Variants in STK31 observed in about 807,000 individuals in gnomAD.
The protein encoded by STK31 is serine/threonine-protein kinase 31.
Under a neutral mutation model 129.7 loss-of-function variants are expected in STK31, and 89 were observed. The observed-to-expected ratio is 0.69, with a 90% CI of 0.58 to 0.82. The LOEUF is 0.82. STK31 is among the 40% of genes least tolerant of loss of function. STK31 has a pLI of 0.00. For synonymous variants in STK31, 448 were observed against 395.3 expected, an observed-to-expected ratio of 1.13 and a Z score of -1.58; for missense variants, 1,187 against 1,176.4, an observed-to-expected ratio of 1.01 and a Z score of -0.13.
At chr7:23,791,398 C>T in intron 22 of STK31, 1 of 673,578 alleles carries the variant, frequency 1.5e-6, no homozygotes, top group Non-Finnish European at 1.8e-6. Flanking sequence ...TGCATGTTCT[C>T]ACTTATAAGT....
intron 10 of STK31, among the ~76,000 whole-genome samples, chr7:23,761,708 G>GT (rs879311911): frequency 1.2e-3 from 166 of 142,048 alleles, no homozygotes; most frequent in East Asian, 2.6e-3. Context: ...GTGCCCAGAT[G>GT]TTTTTTTTTT....
chr7:23,797,630 A>T (rs1438665006), intron 22 of STK31, among the ~76,000 whole-genome samples: 1 of 152,232 alleles, frequency 6.6e-6, no homozygotes, highest in Non-Finnish European at 1.5e-5. Context: ...AGGGAAATTT[A>T]TAGCACTAAA....
In STK31 at chr7:23,769,802, G is replaced by A. The variant is rs1418631751; in HGVS notation, c.1713+46G>A. 2.3e-6 allele frequency: 3 copies of A among 1,295,542 alleles called. No individual in the cohort carries two copies. The East Asian group carries it at 7.0e-5, about 30-fold the overall frequency. 80.3% of individuals were successfully genotyped at this position (1,295,542 alleles called of 1,614,324 possible). A position where few individuals can be genotyped will look rare whatever the true frequency, so the allele number is the denominator to read the frequency against. ...TTATTGCCTCCTTTGAAGCAGTGTG[G>A]TTTCCTTTCATGGTTAGAAAGTATT... On this transcript the variant is annotated intron_variant, in intron 13 of 23. Transcript: ENST00000355870.
intron 22 of STK31, among the ~76,000 whole-genome samples, chr7:23,798,810 CTG>C: frequency 1.3e-5 from 2 of 152,296 alleles, no homozygotes; most frequent in East Asian, 3.9e-4. Context: ...CAAAGTCTGT[CTG>C]TGTGCAGATG....
chr7:23,750,764 G>C (rs960414834), intron 8 of STK31, among the ~76,000 whole-genome samples: 3 of 152,048 alleles, frequency 2.0e-5, no homozygotes, highest in African/African-American at 7.2e-5. Flanking sequence ...CATAGTATTT[G>C]TATATGTTTA....
intron 22 of STK31, chr7:23,811,551 T>C (rs1793131959): frequency 4.4e-6 from 1 of 225,960 alleles, no homozygotes; most frequent in South Asian, 8.2e-5. Context: ...TATGTCTTAC[T>C]GACCATCTTC....
chr7:23,742,366 CT>C (rs1483832235), intron 8 of STK31, among the ~76,000 whole-genome samples: 1 of 152,184 alleles, frequency 6.6e-6, no homozygotes, highest in Admixed American at 6.5e-5. Flanking sequence ...TCTCCCTCTC[CT>C]TTTTTGGAGC....
chr7:23,776,805 T>G (rs953686377), intron 15 of STK31, among the ~76,000 whole-genome samples: 1 of 152,182 alleles, frequency 6.6e-6, no homozygotes, highest in Non-Finnish European at 1.5e-5. Context: ...GAAGGGTTTT[T>G]CATGTCTCTA....
chr7:23,757,232 C>T (rs1789144907), intron 10 of STK31, among the ~76,000 whole-genome samples: 1 of 152,046 alleles, frequency 6.6e-6, no homozygotes, highest in Non-Finnish European at 1.5e-5. Flanking sequence ...CCCCTGCACA[C>T]CTGTGGGCGT....
chr7:23,783,530 A>G, intron 16 of STK31, 53 bp from the exon 17 acceptor site: 1 of 1,352,796 alleles, frequency 7.4e-7, no homozygotes, highest in Admixed American at 1.9e-5. Context: ...GCAACATGTC[A>G]AAATTGAATA....
Position 23,783,678 on chromosome 7 carries a change from C to T in STK31, c.2148+15C>T. 1.3e-6 allele frequency: 2 copies of T among 1,596,504 alleles called. No individual in the cohort carries two copies. The highest frequency in any genetic ancestry group is 1.7e-6 in the Non-Finnish European group (2 of 1,169,324). ...TCAAATACATGGTAAACTTTGTTTCCCTTGCGAATTACTACTCTTCAGAGG... is the reference window on the plus strand; with the variant it reads ...TCAAATACATGGTAAACTTTGTTTCTCTTGCGAATTACTACTCTTCAGAGG... On this transcript the variant is annotated intron_variant, in intron 17 of 23. Coordinates refer to ENST00000355870, the MANE Select transcript of STK31 (RefSeq NM_031414.5).
chr7:23,765,042 C>G (rs1789725669), intron 11 of STK31, among the ~76,000 whole-genome samples: 1 of 151,200 alleles, frequency 6.6e-6, no homozygotes, highest in Non-Finnish European at 1.5e-5. Context: ...TTCTTTTTTT[C>G]TATTTTTATT....
intron 11 of STK31, among the ~76,000 whole-genome samples, chr7:23,764,893 A>G (rs1789714031): frequency 6.6e-6 from 1 of 152,102 alleles, no homozygotes; most frequent in Non-Finnish European, 1.5e-5. Context: ...CTAAAAGTCA[A>G]AAATAATAAT....
rs533967844 is a variant in STK31 at position 23,819,050 on chromosome 7, T to C, written c.2829+3838T>C. Among the ~76,000 whole-genome samples, 18 of 152,334 alleles carry C rather than the reference T, an allele frequency of 1.2e-4. No individual in the cohort carries two copies. In the East Asian group the frequency reaches 2.3e-3, roughly 20 times the overall value. On this transcript the variant is annotated intron_variant, in intron 23 of 23. Transcript: ENST00000355870. ...TTTTTATTGGATTAATATAAACTTT[T>C]TAAGTCAACTTAGGGAAAATTGTCC...
chr7:23,730,038 T>A (rs1370190061), intron 6 of STK31, among the ~76,000 whole-genome samples: 1 of 152,194 alleles, frequency 6.6e-6, no homozygotes, highest in Non-Finnish European at 1.5e-5. Flanking sequence ...GGATTCTAGT[T>A]TATATTACTT....
At chr7:23,711,960 G>A in intron 1 of STK31, 139 bp from the exon 2 acceptor site, 1 of 669,178 alleles carries the variant, frequency 1.5e-6, no homozygotes, top group Non-Finnish European at 2.5e-6. Flanking sequence ...GAAATATTGA[G>A]CTCATTTTTA....
At chr7:23,773,929 G>C (rs578017176) in intron 15 of STK31, among the ~76,000 whole-genome samples, 73 of 148,646 alleles carry the variant, frequency 4.9e-4, no homozygotes, top group African/African-American at 1.8e-3. Flanking sequence ...CTCTCTCCCT[G>C]CCACCCCCCA....
chr7:23,734,020 C>G (rs957673656), intron 6 of STK31, among the ~76,000 whole-genome samples: 3 of 152,096 alleles, frequency 2.0e-5, no homozygotes, highest in East Asian at 3.9e-4. Flanking sequence ...GAAAATAGTT[C>G]TTAAAAATGT....
At chr7:23,773,936 C>CT (rs920808105) in intron 15 of STK31, among the ~76,000 whole-genome samples, 10 of 151,190 alleles carry the variant, frequency 6.6e-5, no homozygotes, top group Admixed American at 2.0e-4. Context: ...CCTGCCACCC[C>CT]CCACCCCACA....
Sources: gnomAD v4.1 joint callset for allele counts (sites outside exome capture counted in the v4.1 genomes callset) on GRCh38, gnomAD v4.1.1 for gene constraint, MANE v1.5 for transcripts, NCBI Gene and HGNC (gene_info 2026-07-23, HGNC 2026-07-21) for gene names.